PPARGC1A: variants seen among roughly 807,000 people sequenced by gnomAD.
PPARGC1A encodes PPARG coactivator 1 alpha.
A neutral mutation model predicts 88.7 loss-of-function variants in PPARGC1A; 25 were observed. The observed-to-expected ratio is 0.28, with a 90% CI of 0.21 to 0.39. PPARGC1A has a LOEUF of 0.39. Among genes scored for constraint, PPARGC1A ranks in the 10% least tolerant of loss-of-function variants. The pLI is 1.00. For missense variants in PPARGC1A, 880 were observed against 968.7 expected, an observed-to-expected ratio of 0.91 and a Z score of 1.22; for synonymous variants, 363 against 355.6, an observed-to-expected ratio of 1.02 and a Z score of -0.24.
At chr4:24,316,476 G>A in the PPARGC1A span, among the ~76,000 whole-genome samples, 2 of 152,232 alleles carry the variant, frequency 1.3e-5, no homozygotes, top group African/African-American at 4.8e-5. Context: ...GGATTAGGCT[G>A]CTGAGGAGCC....
the PPARGC1A span, among the ~76,000 whole-genome samples, chr4:24,078,327 T>C: frequency 2.0e-5 from 3 of 152,042 alleles, no homozygotes; most frequent in African/African-American, 7.2e-5. Context: ...CAGAAGACAA[T>C]CATTTGCTCT....
At chr4:24,256,472 TG>T in the PPARGC1A span, among the ~76,000 whole-genome samples, 2 of 152,316 alleles carry the variant, frequency 1.3e-5, no homozygotes, top group South Asian at 4.1e-4. Context: ...CGTGTTCTAA[TG>T]CTTGAAATCA....
the PPARGC1A span, among the ~76,000 whole-genome samples, chr4:23,936,321 T>C: frequency 1.5e-3 from 222 of 152,300 alleles, no homozygotes; most frequent in African/African-American, 5.2e-3. Flanking sequence ...CAAGATCACA[T>C]AGCTACTAAG....
the PPARGC1A span, among the ~76,000 whole-genome samples, chr4:24,017,771 A>C: frequency 6.6e-6 from 1 of 152,220 alleles, no homozygotes; most frequent in African/African-American, 2.4e-5. Context: ...TAGAAAAAAA[A>C]CTTATTATTC....
chr4:24,425,832 A>AT, the PPARGC1A span, among the ~76,000 whole-genome samples: 8 of 152,238 alleles, frequency 5.3e-5, no homozygotes, highest in South Asian at 2.1e-4. Context: ...CGAATTCCTG[A>AT]TTTTTTCCCC....
the PPARGC1A span, among the ~76,000 whole-genome samples, chr4:24,313,568 T>G: frequency 1.3e-5 from 2 of 152,190 alleles, no homozygotes; most frequent in Non-Finnish European, 1.5e-5. Flanking sequence ...ATCTCCAAAC[T>G]GCAAAACCTC....
At chr4:23,874,558 T>TAA (rs60012560) in intron 2 of PPARGC1A, among the ~76,000 whole-genome samples, 3,740 of 139,318 alleles carry the variant, frequency 0.027, 124 homozygotes, top group African/African-American at 0.094. Flanking sequence ...TTTTTCCCCC[T>TAA]AAAAAAAAAA....
At chr4:24,175,211 G>A in the PPARGC1A span, among the ~76,000 whole-genome samples, 1 of 152,058 alleles carries the variant, frequency 6.6e-6, no homozygotes, top group Non-Finnish European at 1.5e-5. Flanking sequence ...TAATTATGGG[G>A]GAAACCTTGT....
At chr4:24,296,157 TC>T in the PPARGC1A span, among the ~76,000 whole-genome samples, 1 of 150,584 alleles carries the variant, frequency 6.6e-6, no homozygotes, top group East Asian at 1.9e-4. Context: ...CACGATAGCT[TC>T]CCAACTATAT....
At chr4:23,838,003 T>C (rs1302521686) in intron 2 of PPARGC1A, among the ~76,000 whole-genome samples, 1 of 152,186 alleles carries the variant, frequency 6.6e-6, no homozygotes, top group East Asian at 1.9e-4. Flanking sequence ...AACTAAGTTT[T>C]TTTCCTGCAA....
chr4:23,859,919 G>A (rs1730938316), intron 2 of PPARGC1A, among the ~76,000 whole-genome samples: 2 of 152,120 alleles, frequency 1.3e-5, no homozygotes, highest in Admixed American at 6.5e-5. Flanking sequence ...AAGTAGCACA[G>A]AAAATTCAAG....
chr4:24,171,950 CCT>C, the PPARGC1A span, among the ~76,000 whole-genome samples: 1 of 152,166 alleles, frequency 6.6e-6, no homozygotes, highest in Non-Finnish European at 1.5e-5. Context: ...TCTCTGTCCC[CCT>C]CTTTTCTGCA....
chr4:24,023,299 T>C, the PPARGC1A span, among the ~76,000 whole-genome samples: 5 of 152,164 alleles, frequency 3.3e-5, no homozygotes, highest in Admixed American at 2.6e-4. Context: ...CAGGAAAAAC[T>C]CAAACTGGCT....
the PPARGC1A span, among the ~76,000 whole-genome samples, chr4:24,339,553 C>G: frequency 6.4e-4 from 97 of 152,222 alleles, 1 homozygote; most frequent in Middle Eastern, 6.8e-3. Context: ...TCCCTGCGCT[C>G]AATTAATGCC....
the PPARGC1A span, among the ~76,000 whole-genome samples, chr4:24,409,944 T>A: frequency 9.5e-4 from 145 of 152,362 alleles, 1 homozygote; most frequent in Non-Finnish European, 1.5e-3. Flanking sequence ...TATTGTGGGA[T>A]AATTGATAAT....
At chr4:23,824,539 A>G in intron 5 of PPARGC1A, 31 bp from the exon 6 acceptor site, 2 of 1,530,472 alleles carry the variant, frequency 1.3e-6, no homozygotes, top group Non-Finnish European at 1.8e-6. Flanking sequence ...CTAATTATGT[A>G]ATATTGAGTG....
the PPARGC1A span, among the ~76,000 whole-genome samples, chr4:23,913,259 TATATATATAGAGAG>T: frequency 9.8e-4 from 48 of 49,002 alleles, no homozygotes; most frequent in African/African-American, 2.9e-3. Flanking sequence ...TATATATATA[TATATATATAGAGAG>T]AGAGAGAGAG....
the PPARGC1A span, among the ~76,000 whole-genome samples, chr4:24,421,204 T>C: frequency 1.5e-4 from 23 of 152,098 alleles, no homozygotes; most frequent in Non-Finnish European, 1.0e-4. Flanking sequence ...GAATTTCAGA[T>C]AAACAGAAAA....
the PPARGC1A span, among the ~76,000 whole-genome samples, chr4:23,918,296 C>T: frequency 1.3e-5 from 2 of 151,518 alleles, no homozygotes; most frequent in African/African-American, 4.9e-5. Flanking sequence ...GATCTCTGTT[C>T]ACTACAACCT....
Sources: gnomAD v4.1 joint callset for allele counts (sites outside exome capture counted in the v4.1 genomes callset) on GRCh38, gnomAD v4.1.1 for gene constraint, MANE v1.5 for transcripts, NCBI Gene and HGNC (gene_info 2026-07-23, HGNC 2026-07-21) for gene names.